NCOA1: variants seen among roughly 807,000 people sequenced by gnomAD.
NCOA1 encodes the protein nuclear receptor coactivator 1.
Under a neutral mutation model 150.9 loss-of-function variants are expected in NCOA1, and 35 were observed. That is an observed-to-expected ratio of 0.23 (90% CI 0.18 to 0.31). The LOEUF (loss-of-function observed/expected upper bound fraction) is 0.31, where lower values mean the gene tolerates loss of function less well. NCOA1 is among the 10% of genes least tolerant of loss of function. The probability of loss-of-function intolerance (pLI) is 1.00; values close to 1 mark genes in which losing one functional copy is unlikely to be tolerated. For synonymous variants in NCOA1, 590 were observed against 630.0 expected (o/e 0.94, Z 0.95); for missense variants, 1,491 against 1,749.3 (o/e 0.85, Z 2.63).
intron 3 of NCOA1, among the ~76,000 whole-genome samples, chr2:24,596,820 A>G (rs181364476): frequency 1.3e-5 from 2 of 152,328 alleles, no homozygotes; most frequent in East Asian, 1.9e-4. Context: ...ACGCCATTCT[A>G]CAATATTCAT....
chr2:24,566,581 AGG>A (rs201387701), intron 2 of NCOA1, among the ~76,000 whole-genome samples: 3,768 of 152,308 alleles, frequency 0.025, 50 homozygotes, highest in South Asian at 0.032. Context: ...TCCAGTCCAC[AGG>A]ACTGGCAGCT....
chr2:24,659,400 A>G (rs577324972), intron 5 of NCOA1, among the ~76,000 whole-genome samples: 2 of 152,342 alleles, frequency 1.3e-5, no homozygotes, highest in East Asian at 3.9e-4. Flanking sequence ...TATAAGGAAT[A>G]TGACCACCTT....
At chr2:24,745,414 G>A (rs1384550374) in intron 19 of NCOA1, among the ~76,000 whole-genome samples, 1 of 151,880 alleles carries the variant, frequency 6.6e-6, no homozygotes, top group African/African-American at 2.4e-5. Context: ...CACCCACCTC[G>A]GCCTCCCAAA....
intron 3 of NCOA1, among the ~76,000 whole-genome samples, chr2:24,621,151 G>A (rs1393814861): frequency 6.6e-6 from 1 of 152,034 alleles, no homozygotes; most frequent in African/African-American, 2.4e-5. Context: ...TATGTGGGGG[G>A]TGGGGAGGAG....
intron 3 of NCOA1, among the ~76,000 whole-genome samples, chr2:24,608,932 A>G (rs1558835514): frequency 6.6e-6 from 1 of 152,098 alleles, no homozygotes; most frequent in Non-Finnish European, 1.5e-5. Context: ...GAAGACTACC[A>G]TAGAGAGGAA....
intron 3 of NCOA1, among the ~76,000 whole-genome samples, chr2:24,586,170 G>A (rs1307011821): frequency 6.6e-6 from 1 of 151,376 alleles, no homozygotes; most frequent in Non-Finnish European, 1.5e-5. Flanking sequence ...CAGCTACTCA[G>A]GGGGCTGAGG....
chr2:24,590,294 A>G (rs556887235), intron 3 of NCOA1, among the ~76,000 whole-genome samples: 14 of 152,208 alleles, frequency 9.2e-5, no homozygotes, highest in African/African-American at 3.1e-4. Flanking sequence ...TCATGAGAGC[A>G]TATCTACTCT....
intron 7 of NCOA1, among the ~76,000 whole-genome samples, chr2:24,678,148 T>C (rs1672004251): frequency 6.6e-6 from 1 of 152,232 alleles, no homozygotes; most frequent in South Asian, 2.1e-4. Flanking sequence ...TTTGGTTTGA[T>C]GTTCCTGCAT....
chr2:24,512,713 G>A (rs1280030968), intron 1 of NCOA1, among the ~76,000 whole-genome samples: 4 of 152,076 alleles, frequency 2.6e-5, no homozygotes, highest in Non-Finnish European at 5.9e-5. Flanking sequence ...TATCTTTGGG[G>A]CTCATCTTGA....
At chr2:24,587,020 G>T (rs1430747668) in intron 3 of NCOA1, among the ~76,000 whole-genome samples, 3 of 151,738 alleles carry the variant, frequency 2.0e-5, no homozygotes, top group African/African-American at 7.3e-5. Context: ...AGAAGGACAG[G>T]TTTCTCTTAG....
At chr2:24,576,163 G>GTTTTTTTGTTTTT (rs1491073238) in intron 2 of NCOA1, among the ~76,000 whole-genome samples, 1 of 92,734 alleles carries the variant, frequency 1.1e-5, no homozygotes, top group African/African-American at 4.6e-5. Context: ...TTTTTTTTTT[G>GTTTTTTTGTTTTT]TTTTTTGTTT....
At chr2:24,747,088 AAACAACAGC>A (rs1288115388) in intron 19 of NCOA1, among the ~76,000 whole-genome samples, 1 of 152,056 alleles carries the variant, frequency 6.6e-6, no homozygotes, top group African/African-American at 2.4e-5. Context: ...CCAACACTAA[AAACAACAGC>A]AACAACAACA....
intron 15 of NCOA1, among the ~76,000 whole-genome samples, chr2:24,727,513 T>G (rs1261146985): frequency 6.6e-6 from 1 of 152,226 alleles, no homozygotes; most frequent in Non-Finnish European, 1.5e-5. Context: ...GCAGCCATAT[T>G]CCATAACGCA....
intron 1 of NCOA1, among the ~76,000 whole-genome samples, chr2:24,536,899 T>A (rs1665171135): frequency 6.6e-6 from 1 of 152,014 alleles, no homozygotes; most frequent in Non-Finnish European, 1.5e-5. Context: ...TGTTCTCACT[T>A]ATAAGTAGGA....
At chr2:24,620,697 T>A (rs1476385518) in intron 3 of NCOA1, among the ~76,000 whole-genome samples, 1 of 151,736 alleles carries the variant, frequency 6.6e-6, no homozygotes, top group Non-Finnish European at 1.5e-5. Flanking sequence ...TTTTGTTGTA[T>A]GTTTTTAAAG....
At chr2:24,669,711 G>A (rs1415623195) in intron 6 of NCOA1, among the ~76,000 whole-genome samples, 1 of 152,094 alleles carries the variant, frequency 6.6e-6, no homozygotes, top group Non-Finnish European at 1.5e-5. Flanking sequence ...ACCCTGAATA[G>A]ACATTTCTCC....
intron 1 of NCOA1, among the ~76,000 whole-genome samples, chr2:24,500,354 C>T (rs534310118): frequency 5.9e-5 from 9 of 152,206 alleles, no homozygotes; most frequent in South Asian, 2.1e-4. Flanking sequence ...GTGATCCGCC[C>T]GCCTTGGCCT....
intron 14 of NCOA1, among the ~76,000 whole-genome samples, chr2:24,718,525 GT>G (rs1674173752): frequency 6.6e-6 from 1 of 152,026 alleles, no homozygotes; most frequent in African/African-American, 2.4e-5. Flanking sequence ...TATCCATACA[GT>G]TTTATTCAAA....
chr2:24,641,473 C>G (rs1206141083), intron 3 of NCOA1, among the ~76,000 whole-genome samples: 4 of 152,020 alleles, frequency 2.6e-5, no homozygotes, highest in African/African-American at 9.7e-5. Context: ...TTTTGTAGAT[C>G]TGACTTTATC....
Sources: gnomAD v4.1 joint callset for allele counts (sites outside exome capture counted in the v4.1 genomes callset) on GRCh38, gnomAD v4.1.1 for gene constraint, MANE v1.5 for transcripts, NCBI Gene and HGNC (gene_info 2026-07-23, HGNC 2026-07-21) for gene names.